PLB1: variants seen among roughly 807,000 people sequenced by gnomAD.
PLB1 encodes phospholipase B1.
A neutral mutation model predicts 227.4 loss-of-function variants in PLB1; 242 were observed. The ratio of observed to expected loss-of-function variants is 1.06; its 90% CI spans 0.96 to 1.18. The LOEUF (loss-of-function observed/expected upper bound fraction) is 1.18, where lower values mean the gene tolerates loss of function less well. PLB1 is among the 50% of genes most tolerant of loss of function. PLB1 has a pLI of 0.00. For synonymous variants in PLB1, 757 were observed against 682.2 expected (o/e 1.11, Z -1.71); for missense variants, 1,858 against 1,816.3 (o/e 1.02, Z -0.42).
At chr2:28,600,892 T>G (rs1683765349) in intron 36 of PLB1, 32 bp downstream of exon 36, 1 of 1,580,530 alleles carries the variant, frequency 6.3e-7, no homozygotes, top group Non-Finnish European at 8.7e-7. Context: ...TTCTAAACAT[T>G]AATTTTCTAA....
At chr2:28,500,028 A>G (rs920679824) in intron 1 of PLB1, among the ~76,000 whole-genome samples, 1 of 152,358 alleles carries the variant, frequency 6.6e-6, no homozygotes, top group South Asian at 2.1e-4. Flanking sequence ...GGATGTTGAA[A>G]TTCATCTAAT....
Position 28,605,857 on chromosome 2 carries a change from G to A in PLB1, c.2966G>A (p.Gly989Glu). The A allele has an allele frequency of 6.2e-7, 1 of 1,612,446 alleles. No homozygotes were observed. The highest frequency in any genetic ancestry group is 1.1e-5 in the South Asian group (1 of 91,044). The stretch of plus-strand genomic sequence containing the variant: ...GGGTATATTGGTCTCTTTCAGGATG[G>A]GCTCCCAGATACGTCCTTCTTTGCC... ...QNIQLPVLAD[G>E]LPDTSFFAPD... The change falls in exon 42 of 58, where the codon GGG (glycine) becomes GAG (glutamate). Residue 989 changes from glycine (G) to glutamate (E), a missense_variant. By Grantham distance (98) the Gly-to-Glu change is moderately conservative. Coordinates refer to ENST00000327757, the MANE Select transcript of PLB1 (RefSeq NM_153021.5).
intron 1 of PLB1, among the ~76,000 whole-genome samples, chr2:28,505,888 T>C (rs73922128): frequency 0.027 from 4,163 of 152,262 alleles, 188 homozygotes; most frequent in African/African-American, 0.095. Context: ...GGTGTTAGAC[T>C]CTACATCCCA....
Position 28,642,320 on chromosome 2 carries a change from C to T in PLB1, c.4174-538C>T, listed in dbSNP as rs73924343. ...TCCAGCAAGGGGGCTAAACACAGCA[C>T]GTGCCCAATTCACATTCACTGAGAG... On this transcript the variant is annotated intron_variant, in intron 57 of 57. Transcript: ENST00000327757. 4.1e-3 allele frequency among the ~76,000 whole-genome samples: 599 copies of T among 146,194 alleles called. 5 individuals are homozygous for T. The highest frequency in any genetic ancestry group is 0.014 in the African/African-American group (560 of 38,864).
intron 14 of PLB1, among the ~76,000 whole-genome samples, chr2:28,544,684 C>T (rs1374013666): frequency 6.6e-6 from 1 of 152,062 alleles, no homozygotes; most frequent in African/African-American, 2.4e-5. Flanking sequence ...AACAATGAGG[C>T]CGGGAGAGCC....
At chr2:28,535,731 G>A (rs1218304247) in intron 9 of PLB1, among the ~76,000 whole-genome samples, 2 of 152,132 alleles carry the variant, frequency 1.3e-5, no homozygotes, top group Non-Finnish European at 2.9e-5. Flanking sequence ...GACCAGCCTG[G>A]CCAATGTGGT....
intron 1 of PLB1, among the ~76,000 whole-genome samples, 161 bp downstream of exon 1, chr2:28,496,330 T>A (rs1000274821): frequency 6.6e-6 from 1 of 152,120 alleles, no homozygotes; most frequent in African/African-American, 2.4e-5. Context: ...TCCTGCGGAA[T>A]GGGATGCAGA....
intron 17 of PLB1, among the ~76,000 whole-genome samples, chr2:28,558,265 T>C (rs1675470493): frequency 6.6e-6 from 1 of 152,140 alleles, no homozygotes; most frequent in African/African-American, 2.4e-5. Flanking sequence ...AATGATAATA[T>C]TTTTGAAGCA....
intron 54 of PLB1, among the ~76,000 whole-genome samples, chr2:28,631,243 C>T (rs1021681356): frequency 3.9e-5 from 6 of 152,062 alleles, no homozygotes; most frequent in African/African-American, 1.4e-4. Flanking sequence ...TGCCCCCTTC[C>T]ATCTCCCCAC....
chr2:28,603,071 C>T (rs1214117292), intron 39 of PLB1, 150 bp downstream of exon 39: 4 of 685,380 alleles, frequency 5.8e-6, no homozygotes, highest in East Asian at 2.8e-5. Flanking sequence ...CGTCCCCTTC[C>T]AGAGGCTGGA....
chr2:28,556,174 C>T (rs1362034229), intron 17 of PLB1, among the ~76,000 whole-genome samples: 1 of 152,148 alleles, frequency 6.6e-6, no homozygotes, highest in Non-Finnish European at 1.5e-5. Flanking sequence ...AAGTTATTTT[C>T]AAAAACCTTC....
Position 28,617,541 on chromosome 2 carries a change from C to T in PLB1, c.3196-186C>T, listed in dbSNP as rs529723189. Among the ~76,000 whole-genome samples the T allele has an allele frequency of 1.2e-4, 18 of 152,310 alleles. No individual in the cohort carries two copies. The Middle Eastern group carries it at 0.01, about 86-fold the overall frequency. On this transcript the variant is annotated intron_variant, in intron 44 of 57. Transcript: ENST00000327757. ...GTGCATAGGGGTAGCTAGACACACC[C>T]ATTTCTCCCCCTTTAATTTCCCTCC...
At chr2:28,619,323 G>A (rs140904467) in intron 46 of PLB1, among the ~76,000 whole-genome samples, 1 of 152,224 alleles carries the variant, frequency 6.6e-6, no homozygotes, top group East Asian at 1.9e-4. Context: ...TTCCATTTTG[G>A]CATGAACATG....
intron 11 of PLB1, among the ~76,000 whole-genome samples, chr2:28,539,695 A>G (rs1672196615): frequency 6.6e-6 from 1 of 152,024 alleles, no homozygotes; most frequent in African/African-American, 2.4e-5. Flanking sequence ...GAGAAAAGAG[A>G]GTGCTGGAAA....
Position 28,628,442 on chromosome 2 carries a change from C to T in PLB1, c.3661-121C>T, listed in dbSNP as rs1046004783. The T allele has an allele frequency of 1.0e-4, 83 of 798,260 alleles. No individual in the cohort carries two copies. The African/African-American group carries it at 1.3e-3, about 12-fold the overall frequency. The allele number at this position is 798,260 out of a possible 1,614,324, so 49.4% of individuals were successfully genotyped here. Reference sequence around the variant, plus strand: ...CTGGGCTTCTCAGTTTGACCAGGACCACCGAAGCCCCTCTGTACCCACTCA... The same window carrying T: ...CTGGGCTTCTCAGTTTGACCAGGACTACCGAAGCCCCTCTGTACCCACTCA... On this transcript the variant is annotated intron_variant, in intron 51 of 57. Transcript: ENST00000327757.
At chr2:28,567,632 C>A (rs543588277) in intron 20 of PLB1, among the ~76,000 whole-genome samples, 1 of 152,108 alleles carries the variant, frequency 6.6e-6, no homozygotes, top group South Asian at 2.1e-4. Context: ...CGCCACCACA[C>A]CCAGCTAATT....
chr2:28,510,880 G>A (rs761332906), intron 1 of PLB1, among the ~76,000 whole-genome samples: 5 of 150,850 alleles, frequency 3.3e-5, no homozygotes, highest in South Asian at 2.1e-4. Flanking sequence ...CTTCCACCTC[G>A]GTCTCTCAAA....
chr2:28,598,698 C>T lies in PLB1; in HGVS notation c.2412C>T (p.Gly804=), dbSNP rs560967932. 2 of 1,614,244 alleles carry T rather than the reference C, an allele frequency of 1.2e-6. No homozygotes were observed. Among genetic ancestry groups the T allele is most frequent in the African/African-American group, 1.3e-5 (1 of 75,076 alleles). The change falls in exon 35 of 58, where the codon GGC becomes GGT. Residue 804 remains glycine (G), a synonymous_variant. Transcript: ENST00000327757. ...GAAACCTCACAGGCTACGCCGTGGG[C>T]ACGGGTGATGCCAATGACACGAATG... ...FNRNLTGYAV[G]TGDANDTNAF... is the part of the protein sequence containing the mutation.
At chr2:28,627,580 C>T (rs1265482203) in intron 51 of PLB1, among the ~76,000 whole-genome samples, 1 of 152,196 alleles carries the variant, frequency 6.6e-6, no homozygotes, top group East Asian at 1.9e-4. Context: ...TCTATTTTAA[C>T]TCTTCGGCAT....
Sources: allele counts gnomAD v4.1 joint callset (sites outside exome capture counted in the v4.1 genomes callset), GRCh38; gene constraint gnomAD v4.1.1; transcripts MANE v1.5; gene names NCBI Gene and HGNC (gene_info 2026-07-23, HGNC 2026-07-21).